EEIG2: variants seen among roughly 807,000 people sequenced by gnomAD.
The protein encoded by EEIG2 is EEIG family member 2, also known as family with sequence similarity 102 member B.
the EEIG2 span, among the ~76,000 whole-genome samples, chr1:108,603,723 C>T: frequency 6.6e-6 from 1 of 152,070 alleles, no homozygotes; most frequent in Non-Finnish European, 1.5e-5. Flanking sequence ...TTTACAATAA[C>T]TATAATTAGT....
At chr1:108,597,375 G>A in the EEIG2 span, among the ~76,000 whole-genome samples, 1 of 152,194 alleles carries the variant, frequency 6.6e-6, no homozygotes, top group Non-Finnish European at 1.5e-5. Context: ...ACCCCAGCCA[G>A]CATGCTTTTG....
the EEIG2 span, chr1:108,560,240 T>G: frequency 1.7e-5 from 3 of 179,594 alleles, no homozygotes; most frequent in Non-Finnish European, 3.1e-5. Context: ...TGCCGCCGCG[T>G]TCCGGCCCAG....
chr1:108,573,767 A>T, the EEIG2 span, among the ~76,000 whole-genome samples: 1 of 152,238 alleles, frequency 6.6e-6, no homozygotes, highest in Non-Finnish European at 1.5e-5. Flanking sequence ...CCAGAAGCAC[A>T]AGAAAAGGTA....
the EEIG2 span, among the ~76,000 whole-genome samples, chr1:108,584,608 G>T: frequency 6.6e-6 from 1 of 152,212 alleles, no homozygotes; most frequent in East Asian, 1.9e-4. Flanking sequence ...TTCCTTGTTC[G>T]CAGATTACAA....
chr1:108,560,574 C>T, the EEIG2 span: 1 of 1,607,738 alleles, frequency 6.2e-7, no homozygotes, highest in Non-Finnish European at 8.5e-7. Flanking sequence ...AGGTAACTCG[C>T]CTCCCGCGCC....
the EEIG2 span, among the ~76,000 whole-genome samples, chr1:108,585,618 AT>A: frequency 1.3e-5 from 2 of 152,258 alleles, no homozygotes; most frequent in South Asian, 4.1e-4. Flanking sequence ...ACCAATGCAT[AT>A]GATCCCTTCC....
chr1:108,574,760 G>C, the EEIG2 span, among the ~76,000 whole-genome samples: 7 of 152,176 alleles, frequency 4.6e-5, no homozygotes, highest in Admixed American at 2.0e-4. Flanking sequence ...CAAAGAAAAG[G>C]GGGGGTTAGA....
At chr1:108,562,471 G>A in the EEIG2 span, among the ~76,000 whole-genome samples, 201 of 152,272 alleles carry the variant, frequency 1.3e-3, 1 homozygote, top group African/African-American at 4.5e-3. Flanking sequence ...TATAGTATGG[G>A]GGAAATGACT....
At chr1:108,631,959 A>C in the EEIG2 span, among the ~76,000 whole-genome samples, 2 of 151,870 alleles carry the variant, frequency 1.3e-5, no homozygotes, top group African/African-American at 4.8e-5. Context: ...ACTAAAAATA[A>C]AAAAATTAGC....
chr1:108,562,015 T>C, the EEIG2 span, among the ~76,000 whole-genome samples: 2 of 152,252 alleles, frequency 1.3e-5, no homozygotes, highest in Non-Finnish European at 2.9e-5. Context: ...AAGTCACTTA[T>C]TCTTTCGTTG....
the EEIG2 span, among the ~76,000 whole-genome samples, chr1:108,618,257 A>G: frequency 1.3e-5 from 2 of 152,200 alleles, no homozygotes; most frequent in Non-Finnish European, 2.9e-5. Flanking sequence ...ATGGCTACTG[A>G]CGCAGGTAGA....
the EEIG2 span, among the ~76,000 whole-genome samples, chr1:108,623,610 C>T: frequency 2.8e-4 from 43 of 152,226 alleles, no homozygotes; most frequent in Non-Finnish European, 5.3e-4. Flanking sequence ...CATTGCATGC[C>T]TGTATCAAAA....
chr1:108,596,669 T>C, the EEIG2 span, among the ~76,000 whole-genome samples: 1 of 152,202 alleles, frequency 6.6e-6, no homozygotes. Flanking sequence ...AGTTTCTTTT[T>C]TATATCACTC....
the EEIG2 span, among the ~76,000 whole-genome samples, chr1:108,614,488 C>T: frequency 1.3e-5 from 2 of 152,132 alleles, no homozygotes; most frequent in East Asian, 1.9e-4. Context: ...ATTATTCTTG[C>T]TCTCAGATAC....
At chr1:108,569,191 CAAAT>C in the EEIG2 span, among the ~76,000 whole-genome samples, 2 of 152,278 alleles carry the variant, frequency 1.3e-5, no homozygotes, top group East Asian at 3.9e-4. Flanking sequence ...AACATTAAAA[CAAAT>C]AAGTTCTAAC....
chr1:108,588,849 C>T, the EEIG2 span, among the ~76,000 whole-genome samples: 2 of 151,014 alleles, frequency 1.3e-5, no homozygotes, highest in East Asian at 3.9e-4. Flanking sequence ...AGGGGACATA[C>T]GTTTTTTTAA....
At chr1:108,608,882 T>G in the EEIG2 span, among the ~76,000 whole-genome samples, 1 of 152,244 alleles carries the variant, frequency 6.6e-6, no homozygotes, top group Non-Finnish European at 1.5e-5. Flanking sequence ...GCCTGCTTTC[T>G]GCTTTGCAGA....
chr1:108,575,691 T>C, the EEIG2 span, among the ~76,000 whole-genome samples: 1 of 152,124 alleles, frequency 6.6e-6, no homozygotes, highest in Non-Finnish European at 1.5e-5. Flanking sequence ...AACATCATGC[T>C]CAGTAAAGAA....
At chr1:108,579,800 A>AGAGAGAG in the EEIG2 span, among the ~76,000 whole-genome samples, 4 of 149,216 alleles carry the variant, frequency 2.7e-5, no homozygotes, top group Admixed American at 6.7e-5. Context: ...AGAGAGAAAG[A>AGAGAGAG]AACCCACTCT....
Sources: allele counts gnomAD v4.1 joint callset (sites outside exome capture counted in the v4.1 genomes callset), GRCh38; gene constraint gnomAD v4.1.1; transcripts MANE v1.5; gene names NCBI Gene and HGNC (gene_info 2026-07-23, HGNC 2026-07-21).